Variants in TTLL5 observed in about 807,000 individuals in gnomAD.
The protein encoded by TTLL5 is tubulin polyglutamylase TTLL5.
In TTLL5, 132 loss-of-function variants were observed where a neutral mutation model predicts 168.4. The observed-to-expected ratio is 0.78, with a 90% CI of 0.68 to 0.91. TTLL5 has a LOEUF of 0.91. Among genes scored for constraint, TTLL5 ranks in the 40% least tolerant of loss-of-function variants. The pLI, the probability that TTLL5 is intolerant of heterozygous loss-of-function variation, is 0.00. For synonymous variants in TTLL5, 546 were observed against 558.6 expected (o/e 0.98, Z 0.32); for missense variants, 1,545 against 1,581.5 (o/e 0.98, Z 0.39).
chr14:75,690,775 A>G (rs543954176), intron 6 of TTLL5, among the ~76,000 whole-genome samples: 1 of 152,094 alleles, frequency 6.6e-6, no homozygotes, highest in Non-Finnish European at 1.5e-5. Context: ...ATGCACCATT[A>G]GGCTCAGCTA....
At chr14:75,942,818 T>TC (rs1367606321) in intron 31 of TTLL5, among the ~76,000 whole-genome samples, 3 of 152,232 alleles carry the variant, frequency 2.0e-5, no homozygotes, top group Non-Finnish European at 4.4e-5. Context: ...GACTCCCTGA[T>TC]AGTTGCCGAA....
At chr14:75,890,300 A>G (rs1364511704) in intron 30 of TTLL5, among the ~76,000 whole-genome samples, 1 of 152,238 alleles carries the variant, frequency 6.6e-6, no homozygotes, top group Non-Finnish European at 1.5e-5. Context: ...AAGGAAATTA[A>G]GAAGAAAAGT....
At chr14:75,785,567 A>G (rs2140336269) in intron 26 of TTLL5, among the ~76,000 whole-genome samples, 3 of 152,340 alleles carry the variant, frequency 2.0e-5, no homozygotes. Context: ...GTAGGGGTCT[A>G]ACTTCATTCT....
chr14:75,690,399 G>T (rs1049761791), intron 6 of TTLL5, 77 bp downstream of exon 6: 2 of 1,506,640 alleles, frequency 1.3e-6, no homozygotes, highest in Non-Finnish European at 1.8e-6. Context: ...CCTCCTCAAG[G>T]TGTCAACCAA....
chr14:75,736,767 G>A (rs1346999186), intron 15 of TTLL5, among the ~76,000 whole-genome samples: 2 of 152,186 alleles, frequency 1.3e-5, no homozygotes, highest in Admixed American at 1.3e-4. Flanking sequence ...CCTAATTAAT[G>A]TTGGGATGTG....
At chr14:75,839,438 C>T (rs891246781) in intron 28 of TTLL5, among the ~76,000 whole-genome samples, 1 of 152,118 alleles carries the variant, frequency 6.6e-6, no homozygotes, top group East Asian at 1.9e-4. Flanking sequence ...TGGAGAAGTA[C>T]CCGAGACTGG....
intron 29 of TTLL5, among the ~76,000 whole-genome samples, chr14:75,872,636 G>A (rs1031268675): frequency 6.6e-6 from 1 of 152,160 alleles, no homozygotes; most frequent in Non-Finnish European, 1.5e-5. Flanking sequence ...AAGGCCGGGT[G>A]TGGTGGCTCA....
At chr14:75,850,447 G>A (rs1442502789) in intron 28 of TTLL5, among the ~76,000 whole-genome samples, 1 of 139,512 alleles carries the variant, frequency 7.2e-6, no homozygotes, top group East Asian at 2.1e-4. Context: ...TAAATGTGCA[G>A]CTGTACCCAA....
intron 9 of TTLL5, among the ~76,000 whole-genome samples, chr14:75,717,454 A>G (rs1356609507): frequency 2.0e-5 from 3 of 152,166 alleles, no homozygotes; most frequent in Non-Finnish European, 2.9e-5. Context: ...CATCTTTCAC[A>G]GTATCCTACA....
chr14:75,802,664 A>G (rs1187749546), intron 27 of TTLL5, among the ~76,000 whole-genome samples: 1 of 152,224 alleles, frequency 6.6e-6, no homozygotes, highest in African/African-American at 2.4e-5. Context: ...GTACTAAGCC[A>G]TGGGGATGAT....
At chr14:75,841,097 A>G (rs1234449223) in intron 28 of TTLL5, among the ~76,000 whole-genome samples, 1 of 152,190 alleles carries the variant, frequency 6.6e-6, no homozygotes, top group Non-Finnish European at 1.5e-5. Flanking sequence ...CACCAAGGGG[A>G]TGGTGCTAAG....
chr14:75,952,918 A>G (rs538004847), intron 31 of TTLL5, among the ~76,000 whole-genome samples: 26 of 152,316 alleles, frequency 1.7e-4, no homozygotes, highest in Non-Finnish European at 3.7e-4. Flanking sequence ...GGGTCATCAA[A>G]ATGTTCTAAA....
intron 15 of TTLL5, among the ~76,000 whole-genome samples, chr14:75,736,515 A>G (rs1275894066): frequency 6.6e-6 from 1 of 152,210 alleles, no homozygotes; most frequent in Non-Finnish European, 1.5e-5. Context: ...GGTAAACTGG[A>G]GAGTGCATAC....
rs1477288096 is a variant in TTLL5 at position 75,920,276 on chromosome 14, T to G, written c.3823+18052T>G. 2.0e-5 allele frequency among the ~76,000 whole-genome samples: 3 copies of G among 152,188 alleles called. No homozygotes were observed. The East Asian group carries it at 5.8e-4, about 29-fold the overall frequency. ...CAACAATAAAAAGATAACCCAATTT[T>G]TTTTTAAATTTAAGTTCTAGGGTAC... is the stretch of plus-strand genomic sequence containing the variant. On this transcript the variant is annotated intron_variant, in intron 31 of 31. Coordinates refer to ENST00000298832, the MANE Select transcript of TTLL5 (RefSeq NM_015072.5).
intron 29 of TTLL5, among the ~76,000 whole-genome samples, chr14:75,881,017 G>T (rs1437801035): frequency 6.6e-6 from 1 of 152,122 alleles, no homozygotes; most frequent in Non-Finnish European, 1.5e-5. Flanking sequence ...TGGCTCAAAG[G>T]ATTCTCCCAC....
chr14:75,777,227 GC>G (rs939265151), intron 23 of TTLL5, among the ~76,000 whole-genome samples: 19 of 152,196 alleles, frequency 1.2e-4, no homozygotes, highest in African/African-American at 4.6e-4. Flanking sequence ...GTTCTCGACA[GC>G]CTTCACAGTG....
intron 26 of TTLL5, among the ~76,000 whole-genome samples, chr14:75,785,728 A>G (rs1484227665): frequency 3.3e-5 from 5 of 152,194 alleles, no homozygotes; most frequent in South Asian, 4.2e-4. Flanking sequence ...ATTGATCTAT[A>G]TGTCTGACCT....
intron 23 of TTLL5, among the ~76,000 whole-genome samples, chr14:75,778,487 C>T (rs1252535357): frequency 6.6e-6 from 1 of 152,196 alleles, no homozygotes; most frequent in Admixed American, 6.5e-5. Flanking sequence ...TTTGCACCCT[C>T]AGCTGTAGAT....
intron 2 of TTLL5, among the ~76,000 whole-genome samples, chr14:75,668,513 G>A (rs983353481): frequency 6.6e-6 from 1 of 152,144 alleles, no homozygotes; most frequent in African/African-American, 2.4e-5. Context: ...CCTAATGAGG[G>A]TGAAGGTTTT....
Sources: allele counts gnomAD v4.1 joint callset (sites outside exome capture counted in the v4.1 genomes callset), GRCh38; gene constraint gnomAD v4.1.1; transcripts MANE v1.5; gene names NCBI Gene and HGNC (gene_info 2026-07-23, HGNC 2026-07-21).